The following KALRN variants were observed in gnomAD, a reference collection of about 807,000 sequenced individuals.
KALRN encodes the protein kalirin RhoGEF kinase.
A neutral mutation model predicts 353.7 loss-of-function variants in KALRN; 70 were observed. The observed-to-expected ratio is 0.20, with a 90% confidence interval of 0.16 to 0.24. The LOEUF (loss-of-function observed/expected upper bound fraction) is 0.24. Ranked by LOEUF, KALRN falls within the 10% of genes least tolerant of loss-of-function variation. KALRN has a pLI of 1.00. For missense variants in KALRN, 2,791 were observed against 3,756.7 expected, an observed-to-expected ratio of 0.74 and a Z score of 6.72; for synonymous variants, 1,391 against 1,434.8, an observed-to-expected ratio of 0.97 and a Z score of 0.69.
intron 2 of KALRN, among the ~76,000 whole-genome samples, chr3:124,229,783 A>T (rs1289585790): frequency 6.6e-6 from 1 of 152,238 alleles, no homozygotes; most frequent in Admixed American, 6.5e-5. Context: ...ATTCTATATT[A>T]TTGTAATTAT....
intron 34 of KALRN, among the ~76,000 whole-genome samples, chr3:124,583,468 G>A (rs1287072722): frequency 6.6e-6 from 1 of 152,156 alleles, no homozygotes. Context: ...ATAGGGATAG[G>A]GATATAAGTA....
intron 1 of KALRN, among the ~76,000 whole-genome samples, chr3:124,139,946 C>T (rs944854123): frequency 2.6e-5 from 4 of 152,046 alleles, no homozygotes; most frequent in East Asian, 1.9e-4. Context: ...TGCGCTTTGC[C>T]GTGCTCTCTG....
In KALRN at chr3:124,661,912, G is replaced by A. The variant is rs527332843; in HGVS notation, c.6329G>A (p.Arg2110His). Reference protein sequence around the residue: ...KRCNDMMNLGRLQGFEGTLTA... With the variant: ...KRCNDMMNLGHLQGFEGTLTA... The stretch of plus-strand genomic sequence containing the variant: ...TGCAATGACATGATGAATCTAGGAC[G>A]TCTGCAGGGCTTTGAGGTGAGTCTT... The change falls in exon 45 of 60, where the codon CGT becomes CAT. Residue 2110 changes from arginine (R) to histidine (H), a missense_variant. By Grantham distance (29) the Arg-to-His change is conservative (BLOSUM62 0). This residue lies in a region of KALRN where 1,065 missense variants were observed against 1,156.4 expected (regional missense o/e 0.92). Coordinates refer to ENST00000682506, the MANE Select transcript of KALRN (RefSeq NM_001388419.1). 2.5e-6 allele frequency: 4 copies of A among 1,613,924 alleles called. No homozygotes were observed. The highest frequency in any genetic ancestry group is 1.3e-5 in the African/African-American group (1 of 75,024).
chr3:124,644,375 G>A lies in KALRN; in HGVS notation c.5665-6433G>A, dbSNP rs76945420. ...AAGTTCCAGGATACATGTGCAGAGC[G>A]TGCAGGTTTATTACATAGGTATACA... On this transcript the variant is annotated intron_variant, in intron 37 of 59. Transcript: ENST00000682506. Among the ~76,000 whole-genome samples, 84 of 151,938 alleles carry A rather than the reference G, an allele frequency of 5.5e-4. No homozygotes were observed. In the East Asian group the frequency reaches 0.014, roughly 26 times the overall value.
intron 2 of KALRN, among the ~76,000 whole-genome samples, chr3:124,229,055 G>T (rs13319168): frequency 0.098 from 14,755 of 151,154 alleles, 1,067 homozygotes; most frequent in African/African-American, 0.19. Context: ...TCTCAAGATG[G>T]TTAACTTAAT....
At chr3:124,653,497 T>C (rs1203526266) in intron 38 of KALRN, among the ~76,000 whole-genome samples, 1 of 152,038 alleles carries the variant, frequency 6.6e-6, no homozygotes, top group Non-Finnish European at 1.5e-5. Flanking sequence ...TGTATTATGT[T>C]GGAAACAAGA....
intron 1 of KALRN, among the ~76,000 whole-genome samples, chr3:124,205,891 G>A (rs962290666): frequency 6.6e-6 from 1 of 152,126 alleles, no homozygotes; most frequent in Admixed American, 6.5e-5. Flanking sequence ...CCTCCCCTGT[G>A]CTCATTATTC....
intron 58 of KALRN, among the ~76,000 whole-genome samples, chr3:124,715,241 C>A (rs1273809335): frequency 6.6e-6 from 1 of 152,058 alleles, no homozygotes; most frequent in African/African-American, 2.4e-5. Flanking sequence ...CTGAGCTAAC[C>A]CCTGTGCTGG....
rs377650250 is a variant in KALRN at position 124,136,917 on chromosome 3, C to T, written c.74-91073C>T. Among the ~76,000 whole-genome samples, 21 of 152,220 alleles carry T rather than the reference C, an allele frequency of 1.4e-4. No individual in the cohort carries two copies. The South Asian group carries it at 2.5e-3, about 18-fold the overall frequency. ...GGAGGCACTAGTGATGGAAACAGGG[C>T]GGAGTGATGCCAGAGGTGGGGAGCG... On this transcript the variant is annotated intron_variant, in intron 1 of 59. Coordinates refer to ENST00000682506, the MANE Select transcript of KALRN (RefSeq NM_001388419.1).
intron 1 of KALRN, among the ~76,000 whole-genome samples, chr3:124,117,813 A>C (rs2063589181): frequency 6.6e-6 from 1 of 152,212 alleles, no homozygotes; most frequent in South Asian, 2.1e-4. Context: ...ACTGAACATT[A>C]GTTTTTAGTT....
At chr3:124,146,323 A>AT (rs2149836132) in intron 1 of KALRN, among the ~76,000 whole-genome samples, 1 of 152,344 alleles carries the variant, frequency 6.6e-6, no homozygotes, top group South Asian at 2.1e-4. Flanking sequence ...TGCCAGAGTA[A>AT]TTTTATGTCT....
chr3:124,268,745 G>A lies in KALRN; in HGVS notation c.459G>A (p.Thr153=), dbSNP rs61738702. 3,647 of 1,613,842 alleles carry A rather than the reference G, an allele frequency of 2.3e-3. 58 individuals carry two copies. In the African/African-American group the frequency reaches 0.041, roughly 18 times the overall value. Reference sequence around the variant, plus strand: ...TTGTCTGTGTCTGCCCCTTCCAGACGAGCATGGTATCTGTGGAGGGCCTCA... The same window carrying A: ...TTGTCTGTGTCTGCCCCTTCCAGACAAGCATGGTATCTGTGGAGGGCCTCA... ...NFGSSKFIFE[T]SMVSVEGLTK... is the part of the protein sequence containing the mutation. Residue 153 remains threonine, a splice_region_variant and synonymous_variant, in exon 5 of 60, where the codon ACG becomes ACA. Coordinates refer to ENST00000682506, the MANE Select transcript of KALRN (RefSeq NM_001388419.1).
At chr3:124,562,766 C>A in intron 33 of KALRN, 77 bp from the exon 34 acceptor site, 1 of 1,226,734 alleles carries the variant, frequency 8.2e-7, no homozygotes, top group Admixed American at 2.5e-5. Context: ...CGTCCCCTCT[C>A]ACCAACCCTC....
At chr3:124,410,320 T>C (rs1223109657) in intron 13 of KALRN, 3 of 524,130 alleles carry the variant, frequency 5.7e-6, no homozygotes, top group Non-Finnish European at 1.2e-5. Flanking sequence ...GAACCTAAAA[T>C]CAAAAGAAAA....
intron 1 of KALRN, among the ~76,000 whole-genome samples, chr3:124,055,839 C>T (rs1298571592): frequency 6.6e-6 from 1 of 151,686 alleles, no homozygotes; most frequent in Non-Finnish European, 1.5e-5. Context: ...CTTGTAATCA[C>T]TCTAGTGGGT....
intron 33 of KALRN, among the ~76,000 whole-genome samples, chr3:124,556,571 T>C (rs2071278247): frequency 6.6e-6 from 1 of 152,200 alleles, no homozygotes; most frequent in East Asian, 1.9e-4. Context: ...ATTTGGGGCT[T>C]TCCTGAAGCT....
At chr3:124,462,710 A>G in intron 25 of KALRN, 77 bp downstream of exon 25, 1 of 799,468 alleles carries the variant, frequency 1.3e-6, no homozygotes, top group South Asian at 1.6e-5. Flanking sequence ...GAAGTGGATC[A>G]AAGGCGATTG....
At chr3:124,279,855 T>A (rs1320335501) in intron 5 of KALRN, among the ~76,000 whole-genome samples, 1 of 152,104 alleles carries the variant, frequency 6.6e-6, no homozygotes, top group East Asian at 1.9e-4. Flanking sequence ...TATGGGAGCA[T>A]AGATGGAGAA....
intron 33 of KALRN, among the ~76,000 whole-genome samples, chr3:124,535,213 A>G (rs2068409820): frequency 6.6e-6 from 1 of 152,110 alleles, no homozygotes; most frequent in East Asian, 1.9e-4. Flanking sequence ...ACTTGTAAAC[A>G]CCCTTGAATA....
Sources: gnomAD v4.1 joint callset for allele counts (sites outside exome capture counted in the v4.1 genomes callset) on GRCh38, gnomAD v4.1.1 for gene constraint, gnomAD v4.1.1 regional missense constraint, MANE v1.5 for transcripts, NCBI Gene and HGNC (gene_info 2026-07-23, HGNC 2026-07-21) for gene names.